Variants in ARHGEF18 observed in about 807,000 individuals in gnomAD.
The protein encoded by ARHGEF18 is Rho/Rac guanine nucleotide exchange factor 18.
Under a neutral mutation model 155.7 loss-of-function variants are expected in ARHGEF18, and 93 were observed. The ratio of observed to expected loss-of-function variants is 0.60; its 90% confidence interval spans 0.50 to 0.71. The LOEUF is 0.71. Among genes scored for constraint, ARHGEF18 ranks in the 30% least tolerant of loss-of-function variants. The probability of loss-of-function intolerance (pLI) is 0.00; values close to 1 mark genes in which losing one functional copy is unlikely to be tolerated. For synonymous variants in ARHGEF18, 742 were observed against 753.1 expected, an observed-to-expected ratio of 0.99 and a Z score of 0.24; for missense variants, 1,593 against 1,816.1, an observed-to-expected ratio of 0.88 and a Z score of 2.23.
intron 19 of ARHGEF18, among the ~76,000 whole-genome samples, chr19:7,459,139 G>C (rs1976038105): frequency 6.6e-6 from 1 of 152,142 alleles, no homozygotes; most frequent in South Asian, 2.1e-4. Flanking sequence ...CCGCCTCCCA[G>C]GTTCAAACGA....
At position 7,444,667 on chromosome 19, in the gene ARHGEF18, T is replaced by C. The variant is rs146133072; in HGVS notation, c.1611+213T>C. 6.6e-6 allele frequency among the ~76,000 whole-genome samples: 1 copy of C among 152,160 alleles called. No individual in the cohort carries two copies. The highest frequency in any genetic ancestry group is 1.9e-4 in the East Asian group (1 of 5,174). ...CTGGGACTACAGCTATGCGCCACCA[T>C]ACCCGGCTAAATTTTATTTTTTGTA... is the stretch of plus-strand genomic sequence containing the variant. On this transcript the variant is annotated intron_variant, in intron 14 of 28. Coordinates refer to ENST00000668164, the MANE Select transcript of ARHGEF18 (RefSeq NM_001367823.1). The surrounding 1 kb of genome is among the most constrained non-coding windows in gnomAD (Gnocchi z 4.7).
At chr19:7,464,426 C>A in intron 22 of ARHGEF18, 134 bp from the exon 23 acceptor site, 1 of 1,084,872 alleles carries the variant, frequency 9.2e-7, no homozygotes. Flanking sequence ...CTCCAGCAGG[C>A]GTCTGTGCTG....
intron 15 of ARHGEF18, among the ~76,000 whole-genome samples, chr19:7,450,854 G>GGATCTTGCTTTC (rs1600490422): frequency 1.7e-4 from 1 of 5,838 alleles, no homozygotes; most frequent in Non-Finnish European, 3.8e-4. Context: ...TGTTAATGCG[G>GGATCTTGCTTTC]CGTCTTGCTG....
intron 10 of ARHGEF18, among the ~76,000 whole-genome samples, chr19:7,438,069 CCT>C (rs869131373): frequency 3.2e-5 from 3 of 95,166 alleles, no homozygotes; most frequent in Admixed American, 1.1e-4. Flanking sequence ...TCTCTTCTCC[CCT>C]CCCCTCCCCT....
At position 7,471,080 on chromosome 19, in the gene ARHGEF18, C is replaced by T. The variant is rs945040750; in HGVS notation, c.*782C>T. The T allele has an allele frequency of 7.0e-5, 24 of 344,480 alleles. No individual in the cohort carries two copies. Among genetic ancestry groups the T allele is most frequent in the East Asian group, 4.3e-4 (10 of 23,386 alleles). 21.3% of individuals were successfully genotyped at this position (344,480 alleles called of 1,614,324 possible). ...CCAAGGGCAACCGTTGCTGTTCACA[C>T]GCTCAGCCTGTCTGGGGGAGCGGGC... On this transcript the variant is annotated 3_prime_UTR_variant, in exon 29 of 29. Transcript: ENST00000668164. The surrounding 1 kb of genome is among the most constrained non-coding windows in gnomAD (Gnocchi z 4.4).
intron 15 of ARHGEF18, among the ~76,000 whole-genome samples, chr19:7,450,502 G>A (rs941776655): frequency 2.0e-4 from 21 of 103,438 alleles, no homozygotes; most frequent in South Asian, 3.3e-4. Context: ...ATGTTAATAC[G>A]GGATCTTGCT....
intron 10 of ARHGEF18, among the ~76,000 whole-genome samples, chr19:7,412,410 G>A (rs1005357568): frequency 1.3e-5 from 2 of 151,234 alleles, no homozygotes; most frequent in Non-Finnish European, 2.9e-5. Flanking sequence ...TGGTTTCTCC[G>A]CCTTCTCACC....
chr19:7,456,641 C>T (rs1403973420), intron 18 of ARHGEF18, among the ~76,000 whole-genome samples: 1 of 152,158 alleles, frequency 6.6e-6, no homozygotes. Flanking sequence ...CACCTGAACC[C>T]AGGAGGTGAA....
chr19:7,389,070 C>T (rs558548460), intron 10 of ARHGEF18, among the ~76,000 whole-genome samples: 10 of 151,740 alleles, frequency 6.6e-5, no homozygotes, highest in Admixed American at 3.3e-4. Context: ...ACTGCAGCCT[C>T]GACTTCTTGG....
chr19:7,358,699 T>G lies in ARHGEF18; in HGVS notation c.-110-4082T>G, dbSNP rs1327502142. The stretch of plus-strand genomic sequence containing the variant: ...TCTTTGAATTCAGAAACATCTGAAT[T>G]TGACTCCCAGCTCTACCTCATACCA... On this transcript the variant is annotated intron_variant, in intron 1 of 28. Coordinates refer to ENST00000668164, the MANE Select transcript of ARHGEF18 (RefSeq NM_001367823.1). Among the ~76,000 whole-genome samples the G allele has an allele frequency of 2.0e-5, 3 of 152,194 alleles. No individual in the cohort carries two copies. The South Asian group carries it at 6.2e-4, about 31-fold the overall frequency.
chr19:7,350,792 G>A (rs1235352232), intron 1 of ARHGEF18, among the ~76,000 whole-genome samples: 1 of 145,570 alleles, frequency 6.9e-6, no homozygotes, highest in African/African-American at 2.8e-5. Context: ...GTGTGTGTGT[G>A]TGTGTGTGTG....
intron 8 of ARHGEF18, among the ~76,000 whole-genome samples, chr19:7,381,237 A>G (rs1970717878): frequency 6.6e-6 from 1 of 152,108 alleles, no homozygotes; most frequent in Non-Finnish European, 1.5e-5. Flanking sequence ...GAGTTTGCCA[A>G]TACGTGCAGA....
In ARHGEF18 at chr19:7,407,133, A is replaced by G. The variant is rs146828527; in HGVS notation, c.967+23930A>G. Among the ~76,000 whole-genome samples the G allele has an allele frequency of 1.4e-3, 213 of 150,200 alleles. 1 individual carries two copies. The Middle Eastern group carries it at 0.031, about 22-fold the overall frequency. On this transcript the variant is annotated intron_variant, in intron 10 of 28. Coordinates refer to ENST00000668164, the MANE Select transcript of ARHGEF18 (RefSeq NM_001367823.1). ...GGTAGGGAACTTGAGATGCTCAGAA[A>G]CCAACCACTGGCCAGGCATGGTGGC...
In ARHGEF18 at chr19:7,451,105, C is replaced by T. The variant is rs746632116; in HGVS notation, c.1738-44C>T. The T allele has an allele frequency of 1.7e-5, 24 of 1,412,854 alleles. No homozygotes were observed. In the Admixed American group the frequency reaches 1.8e-4, roughly 11 times the overall value. The allele number at this position is 1,412,854 out of a possible 1,614,324, so 87.5% of individuals were successfully genotyped here. A position where few individuals can be genotyped will look rare whatever the true frequency, so the allele number is the denominator to read the frequency against. Reference sequence around the variant, plus strand: ...GATGTTAATACAGGATCTTGCTGTCCGTTTCTGAGATGTTAATACAGGATC... The same window carrying T: ...GATGTTAATACAGGATCTTGCTGTCTGTTTCTGAGATGTTAATACAGGATC... On this transcript the variant is annotated intron_variant, in intron 15 of 28. Coordinates refer to ENST00000668164, the MANE Select transcript of ARHGEF18 (RefSeq NM_001367823.1).
At position 7,436,612 on chromosome 19, in the gene ARHGEF18, C is replaced by T. The variant is rs541865627; in HGVS notation, c.968-3732C>T. 2.0e-5 allele frequency among the ~76,000 whole-genome samples: 3 copies of T among 152,178 alleles called. No individual in the cohort carries two copies. The South Asian group carries it at 6.2e-4, about 32-fold the overall frequency. ...TTTTAGTGACTTTTTCTTCTATGGACTATTGTATTAGAGCAGAATTAATCT... is the reference window on the plus strand; with the variant it reads ...TTTTAGTGACTTTTTCTTCTATGGATTATTGTATTAGAGCAGAATTAATCT... On this transcript the variant is annotated intron_variant, in intron 10 of 28. Transcript: ENST00000668164.
rs182135097 is a variant in ARHGEF18 at position 7,402,713 on chromosome 19, G to C, written c.967+19510G>C. On this transcript the variant is annotated intron_variant, in intron 10 of 28. Coordinates refer to ENST00000668164, the MANE Select transcript of ARHGEF18 (RefSeq NM_001367823.1). ...ACCAGCTTGCCCCGTAAGTGGTGTG[G>C]GGCTAGGTTAATAGATTGCCTAATG... 2.0e-5 allele frequency among the ~76,000 whole-genome samples: 3 copies of C among 152,222 alleles called. No homozygotes were observed. The East Asian group carries it at 5.8e-4, about 29-fold the overall frequency.
At chr19:7,387,634 T>C (rs1971159295) in intron 10 of ARHGEF18, among the ~76,000 whole-genome samples, 1 of 152,118 alleles carries the variant, frequency 6.6e-6, no homozygotes, top group East Asian at 1.9e-4. Context: ...CCTGTTCATT[T>C]ATGTATCACC....
chr19:7,441,788 G>A (rs773631731), intron 12 of ARHGEF18, 23 bp downstream of exon 12: 4 of 1,613,570 alleles, frequency 2.5e-6, no homozygotes, highest in East Asian at 2.2e-5. Context: ...CCGCTCTCTC[G>A]CGGCTGCCAC....
intron 5 of ARHGEF18, among the ~76,000 whole-genome samples, chr19:7,377,895 G>A (rs962062263): frequency 9.2e-5 from 14 of 151,938 alleles, no homozygotes; most frequent in Admixed American, 3.3e-4. Context: ...GACCACCCTG[G>A]CCAACATGGT....
Sources: gnomAD v4.1 joint callset for allele counts (sites outside exome capture counted in the v4.1 genomes callset) on GRCh38, gnomAD v4.1.1 for gene constraint, Gnocchi (gnomAD v3.1) non-coding constraint, MANE v1.5 for transcripts, NCBI Gene and HGNC (gene_info 2026-07-23, HGNC 2026-07-21) for gene names.